The following GALNTL6 variants were observed in gnomAD, a reference collection of about 807,000 sequenced individuals.
GALNTL6 encodes polypeptide N-acetylgalactosaminyltransferase-like 6.
Under a neutral mutation model 73.7 loss-of-function variants are expected in GALNTL6, and 46 were observed. The observed-to-expected ratio is 0.62, with a 90% CI of 0.49 to 0.80. The LOEUF (loss-of-function observed/expected upper bound fraction) is 0.80, where lower values mean the gene tolerates loss of function less well. GALNTL6 is among the 30% of genes least tolerant of loss of function. The probability of loss-of-function intolerance (pLI) is 0.00; values close to 1 mark genes in which losing one functional copy is unlikely to be tolerated. For synonymous variants in GALNTL6, 259 were observed against 263.7 expected (o/e 0.98, Z 0.17); for missense variants, 604 against 755.0 (o/e 0.80, Z 2.34).
intron 2 of GALNTL6, among the ~76,000 whole-genome samples, chr4:171,903,830 C>T (rs1469869303): frequency 1.3e-5 from 2 of 152,094 alleles, no homozygotes; most frequent in African/African-American, 4.8e-5. Flanking sequence ...AAGTGGGTCC[C>T]TGACCCCTGA....
At chr4:172,802,863 A>C (rs1324915112) in intron 5 of GALNTL6, among the ~76,000 whole-genome samples, 2 of 150,978 alleles carry the variant, frequency 1.3e-5, no homozygotes, top group African/African-American at 4.9e-5. Flanking sequence ...ACCTGGAACT[A>C]TCTAGATTAA....
At chr4:172,010,106 G>A (rs571447855) in intron 2 of GALNTL6, among the ~76,000 whole-genome samples, 1 of 152,186 alleles carries the variant, frequency 6.6e-6, no homozygotes, top group Admixed American at 6.6e-5. Context: ...AGAAAGGATA[G>A]AGTTTACTAA....
chr4:172,535,238 A>G (rs1735307237), intron 5 of GALNTL6, among the ~76,000 whole-genome samples: 1 of 152,214 alleles, frequency 6.6e-6, no homozygotes, highest in Non-Finnish European at 1.5e-5. Flanking sequence ...TTATAAGCTT[A>G]TGTCTTCATA....
At chr4:173,010,391 A>ATT (rs1231248472) in intron 11 of GALNTL6, among the ~76,000 whole-genome samples, 1 of 151,952 alleles carries the variant, frequency 6.6e-6, no homozygotes, top group African/African-American at 2.4e-5. Context: ...TAGGTACCAC[A>ATT]TTTTCTTTAT....
intron 4 of GALNTL6, among the ~76,000 whole-genome samples, chr4:172,322,496 G>A (rs545038276): frequency 6.6e-6 from 1 of 152,262 alleles, no homozygotes; most frequent in South Asian, 2.1e-4. Flanking sequence ...CTGAGACTGG[G>A]TAACTTATAA....
intron 2 of GALNTL6, among the ~76,000 whole-genome samples, chr4:171,862,061 G>C (rs927201152): frequency 1.3e-5 from 2 of 152,108 alleles, no homozygotes; most frequent in African/African-American, 4.8e-5. Flanking sequence ...ACGAGGTAAA[G>C]AAACTTGTGG....
intron 5 of GALNTL6, among the ~76,000 whole-genome samples, chr4:172,400,009 C>T (rs984127084): frequency 1.3e-5 from 2 of 152,078 alleles, no homozygotes; most frequent in African/African-American, 4.8e-5. Context: ...CTGGTTTAGC[C>T]ATTTATTTTT....
At chr4:172,072,492 G>T (rs957670329) in intron 2 of GALNTL6, among the ~76,000 whole-genome samples, 1 of 152,054 alleles carries the variant, frequency 6.6e-6, no homozygotes. Context: ...ACACGTAAAA[G>T]ATAACACATT....
intron 2 of GALNTL6, among the ~76,000 whole-genome samples, chr4:172,206,060 A>G (rs1314421133): frequency 6.6e-6 from 1 of 152,156 alleles, no homozygotes; most frequent in East Asian, 1.9e-4. Context: ...ATAAATATAT[A>G]TATGTTTAGC....
intron 5 of GALNTL6, among the ~76,000 whole-genome samples, chr4:172,376,701 C>T (rs980520323): frequency 2.6e-5 from 4 of 152,008 alleles, no homozygotes; most frequent in East Asian, 1.9e-4. Flanking sequence ...ATGGTCTCAC[C>T]GCTTGGTGAC....
Position 172,469,878 on chromosome 4 carries a change from T to C in GALNTL6, c.553+121189T>C, listed in dbSNP as rs184712346. On this transcript the variant is annotated intron_variant, in intron 5 of 12. Coordinates refer to ENST00000506823, the MANE Select transcript of GALNTL6 (RefSeq NM_001034845.3). Reference sequence around the variant, plus strand: ...ATATGAATAAATGGTAGATTGAAGATCACAAATGACCTAGGCAGCCAGTAG... The same window carrying C: ...ATATGAATAAATGGTAGATTGAAGACCACAAATGACCTAGGCAGCCAGTAG... Among the ~76,000 whole-genome samples the C allele has an allele frequency of 6.2e-4, 95 of 152,302 alleles. 1 individual carries two copies. Among genetic ancestry groups the C allele is most frequent in the African/African-American group, 2.2e-3 (92 of 41,556 alleles).
At chr4:172,579,003 T>C (rs1267249679) in intron 5 of GALNTL6, among the ~76,000 whole-genome samples, 1 of 152,216 alleles carries the variant, frequency 6.6e-6, no homozygotes, top group Non-Finnish European at 1.5e-5. Context: ...CATCCAACTT[T>C]AGATAATCAG....
chr4:172,331,152 T>C (rs1741111684), intron 4 of GALNTL6, among the ~76,000 whole-genome samples: 2 of 152,086 alleles, frequency 1.3e-5, no homozygotes, highest in Non-Finnish European at 2.9e-5. Flanking sequence ...TCATTTTTTG[T>C]TCTTTTAATG....
chr4:172,336,489 C>T (rs2111191811), intron 4 of GALNTL6, among the ~76,000 whole-genome samples: 1 of 149,912 alleles, frequency 6.7e-6, no homozygotes, highest in Non-Finnish European at 1.5e-5. Flanking sequence ...GTTGGTCAGG[C>T]TGGTCTCAAA....
At chr4:172,847,951 C>T (rs1743603157) in intron 7 of GALNTL6, among the ~76,000 whole-genome samples, 1 of 152,054 alleles carries the variant, frequency 6.6e-6, no homozygotes, top group Non-Finnish European at 1.5e-5. Context: ...TCTGAGAGAC[C>T]CTCTATCTAC....
chr4:172,883,441 C>T (rs1745563261), intron 8 of GALNTL6, among the ~76,000 whole-genome samples: 1 of 152,162 alleles, frequency 6.6e-6, no homozygotes, highest in Admixed American at 6.5e-5. Flanking sequence ...AGCTTTTAAT[C>T]ATTGTGGAAG....
At chr4:172,069,619 C>CAT (rs369207012) in intron 2 of GALNTL6, among the ~76,000 whole-genome samples, 108 of 6,446 alleles carry the variant, frequency 0.017, 24 homozygotes, top group African/African-American at 0.033. Flanking sequence ...ATATATATAA[C>CAT]ATATATATAT....
chr4:172,721,942 T>G (rs1002135128), intron 5 of GALNTL6, among the ~76,000 whole-genome samples: 4 of 152,016 alleles, frequency 2.6e-5, no homozygotes, highest in African/African-American at 9.7e-5. Flanking sequence ...TAGAAGAATT[T>G]TGTTGCTTAG....
rs2126382060 is a variant in GALNTL6 at position 172,962,424 on chromosome 4, C to T, written c.1371+10166C>T. Among the ~76,000 whole-genome samples the T allele has an allele frequency of 1.3e-5, 2 of 152,230 alleles. 1 individual carries two copies. Among genetic ancestry groups the T allele is most frequent in the Admixed American group, 1.3e-4 (2 of 15,298 alleles). ...TTTCACTAGTTTTTTTTGCTAACGT[C>T]CTTTTTCTGTTCCAGGATCCAATCC... On this transcript the variant is annotated intron_variant, in intron 10 of 12. Coordinates refer to ENST00000506823, the MANE Select transcript of GALNTL6 (RefSeq NM_001034845.3).
Sources: gnomAD v4.1 joint callset for allele counts (sites outside exome capture counted in the v4.1 genomes callset) on GRCh38, gnomAD v4.1.1 for gene constraint, MANE v1.5 for transcripts, NCBI Gene and HGNC (gene_info 2026-07-23, HGNC 2026-07-21) for gene names.